FBXO38: variants seen among roughly 807,000 people sequenced by gnomAD.
FBXO38 encodes F-box only protein 38.
A neutral mutation model predicts 131.9 loss-of-function variants in FBXO38; 53 were observed. The observed-to-expected ratio is 0.40, with a 90% CI of 0.32 to 0.51. The LOEUF (loss-of-function observed/expected upper bound fraction) is 0.51, where lower values mean the gene tolerates loss of function less well. Ranked by LOEUF, FBXO38 falls within the 20% of genes least tolerant of loss-of-function variation. The pLI, the probability that FBXO38 is intolerant of heterozygous loss-of-function variation, is 0.53. For synonymous variants in FBXO38, 452 were observed against 505.6 expected (o/e 0.89, Z 1.42); for missense variants, 1,076 against 1,475.6 (o/e 0.73, Z 4.44).
intron 12 of FBXO38, among the ~76,000 whole-genome samples, chr5:148,419,956 A>G (rs555271854): frequency 2.0e-5 from 3 of 152,108 alleles, no homozygotes; most frequent in East Asian, 1.9e-4. Flanking sequence ...CACAGTTACT[A>G]TATTTATCAA....
At chr5:148,437,090 TTTC>T (rs1300124613) in intron 17 of FBXO38, among the ~76,000 whole-genome samples, 1 of 152,204 alleles carries the variant, frequency 6.6e-6, no homozygotes, top group East Asian at 1.9e-4. Flanking sequence ...TCTGACTAGT[TTTC>T]TTCTTTTTAC....
chr5:148,429,134 G>C (rs1029623755), intron 15 of FBXO38, among the ~76,000 whole-genome samples: 3 of 152,108 alleles, frequency 2.0e-5, no homozygotes, highest in African/African-American at 7.2e-5. Flanking sequence ...TGCCTCCTAT[G>C]ACACCTTTTG....
At chr5:148,408,460 A>G (rs1000334829) in intron 7 of FBXO38, among the ~76,000 whole-genome samples, 1 of 152,256 alleles carries the variant, frequency 6.6e-6, no homozygotes, top group Non-Finnish European at 1.5e-5. Context: ...TCATCCCAAA[A>G]TGGAAAGATG....
At chr5:148,414,823 T>C (rs1263052237) in intron 10 of FBXO38, among the ~76,000 whole-genome samples, 1 of 152,174 alleles carries the variant, frequency 6.6e-6, no homozygotes, top group African/African-American at 2.4e-5. Context: ...ATTTTTCCCT[T>C]ATGGTGGGAG....
intron 5 of FBXO38, among the ~76,000 whole-genome samples, chr5:148,404,337 T>C (rs1053991517): frequency 3.3e-5 from 5 of 152,216 alleles, no homozygotes; most frequent in African/African-American, 7.2e-5. Flanking sequence ...ATAGTTTTGC[T>C]TTCAGTAATC....
At chr5:148,410,932 T>G (rs1475764613) in intron 9 of FBXO38, 167 bp downstream of exon 9, 1 of 609,868 alleles carries the variant, frequency 1.6e-6, no homozygotes, top group African/African-American at 1.9e-5. Flanking sequence ...TGTCAGTGAT[T>G]TTTTTTTCCA....
intron 1 of FBXO38, among the ~76,000 whole-genome samples, chr5:148,390,518 A>C (rs1758146403): frequency 6.6e-6 from 1 of 152,210 alleles, no homozygotes; most frequent in East Asian, 1.9e-4. Flanking sequence ...TGATGTAAGA[A>C]ACAGGAATAG....
Position 148,410,850 on chromosome 5 carries a change from C to G in FBXO38, c.1093+85C>G, listed in dbSNP as rs1752708025. 106 of 1,287,202 alleles carry G rather than the reference C, an allele frequency of 8.2e-5. No homozygotes were observed. In the East Asian group the frequency reaches 2.6e-3, roughly 31 times the overall value. 79.7% of individuals were successfully genotyped at this position (1,287,202 alleles called of 1,614,324 possible). On this transcript the variant is annotated intron_variant, in intron 9 of 21. Transcript: ENST00000340253. ...AAATCTGAATTGGGTTGTGCCATGT[C>G]TTTTTGAACATAAGACAACTTAAAA...
chr5:148,422,612 A>G (rs1034017202), intron 12 of FBXO38, among the ~76,000 whole-genome samples: 3 of 152,234 alleles, frequency 2.0e-5, no homozygotes, highest in African/African-American at 7.2e-5. Flanking sequence ...TCCAAGGAAT[A>G]CTAACAAATT....
chr5:148,401,898 A>C, intron 3 of FBXO38, 84 bp from the exon 4 acceptor site: 1 of 1,346,404 alleles, frequency 7.4e-7, no homozygotes, highest in South Asian at 1.5e-5. Context: ...GTCTTTTTTA[A>C]CTTTTGGTAA....
chr5:148,384,576 C>G (rs1581208880), intron 1 of FBXO38, among the ~76,000 whole-genome samples: 1 of 152,182 alleles, frequency 6.6e-6, no homozygotes, highest in Non-Finnish European at 1.5e-5. Flanking sequence ...GGTCCATTAG[C>G]TTTTCTGTGC....
In FBXO38 at chr5:148,415,958, T is replaced by C; in HGVS notation, c.1295T>C (p.Ile432Thr). 1 of 1,613,714 alleles carries C rather than the reference T, an allele frequency of 6.2e-7. No homozygotes were observed. Among genetic ancestry groups the C allele is most frequent in the Non-Finnish European group, 8.5e-7 (1 of 1,179,694 alleles). Residue 432 changes from isoleucine (I) to threonine (T), a missense_variant, in exon 11 of 22, where the codon ATC becomes ACC. Transcript: ENST00000340253. ...DHSRWTRLVD[I>T]NLVRCHALKL... ...TCAAGATGGACTCGATTGGTTGATA[T>C]CAACCTAGTACGGTGCCATGCTTTG...
chr5:148,384,715 C>T (rs927861072), intron 1 of FBXO38: 3 of 152,174 alleles, frequency 2.0e-5, no homozygotes, highest in African/African-American at 7.2e-5. Context: ...CTCTGCACAC[C>T]CAGAATTTGA....
intron 18 of FBXO38, 57 bp from the exon 19 acceptor site, chr5:148,439,590 A>C: frequency 1.3e-6 from 2 of 1,534,996 alleles, no homozygotes; most frequent in Non-Finnish European, 1.8e-6. Flanking sequence ...GCTCTCGGAG[A>C]GAGATTTCTA....
At chr5:148,435,757 A>G (rs1754316028) in intron 17 of FBXO38, among the ~76,000 whole-genome samples, 1 of 152,156 alleles carries the variant, frequency 6.6e-6, no homozygotes, top group Non-Finnish European at 1.5e-5. Flanking sequence ...GCGACAGAGC[A>G]AGACTCCATC....
At chr5:148,396,663 G>A (rs541049960) in intron 2 of FBXO38, among the ~76,000 whole-genome samples, 40 of 152,274 alleles carry the variant, frequency 2.6e-4, no homozygotes, top group Admixed American at 6.5e-4. Flanking sequence ...TTGAGACAGA[G>A]TCTCACTCTG....
At chr5:148,407,977 C>T (rs1002511679) in intron 7 of FBXO38, among the ~76,000 whole-genome samples, 1 of 150,828 alleles carries the variant, frequency 6.6e-6, no homozygotes, top group African/African-American at 2.4e-5. Flanking sequence ...ATGGGAGAAG[C>T]TGTTTGCAAT....
chr5:148,420,262 A>T (rs374247746), intron 12 of FBXO38, among the ~76,000 whole-genome samples: 13 of 151,874 alleles, frequency 8.6e-5, no homozygotes, highest in Admixed American at 7.9e-4. Flanking sequence ...AGCTGGGACT[A>T]CAAACGCGTG....
intron 11 of FBXO38, 29 bp downstream of exon 11, chr5:148,416,099 T>C: frequency 6.6e-7 from 1 of 1,511,864 alleles, no homozygotes; most frequent in Non-Finnish European, 8.8e-7. Flanking sequence ...AGTTTTTGTT[T>C]ATTTTGATAG....
Sources: allele counts gnomAD v4.1 joint callset (sites outside exome capture counted in the v4.1 genomes callset), GRCh38; gene constraint gnomAD v4.1.1; transcripts MANE v1.5; gene names NCBI Gene and HGNC (gene_info 2026-07-23, HGNC 2026-07-21).